MB21D2: variants seen among roughly 807,000 people sequenced by gnomAD.
MB21D2 encodes the protein nucleotidyltransferase MB21D2.
Under a neutral mutation model 33.3 loss-of-function variants are expected in MB21D2, and 9 were observed. That is an observed-to-expected ratio of 0.27 (90% CI 0.16 to 0.47). The LOEUF is 0.47. Ranked by LOEUF, MB21D2 falls within the 20% of genes least tolerant of loss-of-function variation. The probability of loss-of-function intolerance (pLI) is 0.99; values close to 1 mark genes in which losing one functional copy is unlikely to be tolerated. For synonymous variants in MB21D2, 241 were observed against 236.3 expected, an observed-to-expected ratio of 1.02 and a Z score of -0.18; for missense variants, 540 against 624.6, an observed-to-expected ratio of 0.86 and a Z score of 1.44.
intron 1 of MB21D2, among the ~76,000 whole-genome samples, chr3:192,811,042 C>CT: frequency 6.6e-6 from 1 of 152,286 alleles, no homozygotes; most frequent in East Asian, 1.9e-4. Context: ...GCCCCTCTGC[C>CT]TAAGGGCATT....
At chr3:192,916,116 A>ATG (rs1714460524) in intron 1 of MB21D2, among the ~76,000 whole-genome samples, 1 of 148,296 alleles carries the variant, frequency 6.7e-6, no homozygotes, top group South Asian at 2.1e-4. Context: ...ATATATATAT[A>ATG]TATATTTAAT....
chr3:192,831,187 A>G (rs1712306615), intron 1 of MB21D2, among the ~76,000 whole-genome samples: 1 of 152,202 alleles, frequency 6.6e-6, no homozygotes, highest in Non-Finnish European at 1.5e-5. Context: ...GCCAGTCACT[A>G]TGTCGCAGCA....
chr3:192,820,642 C>T (rs1204686240), intron 1 of MB21D2, among the ~76,000 whole-genome samples: 2 of 152,268 alleles, frequency 1.3e-5, no homozygotes, highest in Non-Finnish European at 2.9e-5. Context: ...CCTCCGGCGT[C>T]CCGCCCCGGG....
chr3:192,848,902 A>C (rs908406393), intron 1 of MB21D2, among the ~76,000 whole-genome samples: 2 of 152,182 alleles, frequency 1.3e-5, no homozygotes, highest in Non-Finnish European at 2.9e-5. Flanking sequence ...TGATGGACCG[A>C]AGAGAAGAAA....
At chr3:192,855,176 G>A (rs1007337564) in intron 1 of MB21D2, among the ~76,000 whole-genome samples, 1 of 152,132 alleles carries the variant, frequency 6.6e-6, no homozygotes, top group Admixed American at 6.5e-5. Context: ...TTGACTCACT[G>A]CAAGCTCTGT....
intron 1 of MB21D2, 139 bp downstream of exon 1, chr3:192,917,491 C>A: frequency 2.6e-6 from 2 of 760,080 alleles, no homozygotes; most frequent in Non-Finnish European, 4.3e-6. Context: ...AGAGGCGGAA[C>A]AGAGATGGCT....
Position 192,917,622 on chromosome 3 carries a change from C to T in MB21D2, c.211+8G>A. ...ACGCACACACACCTCCCCCTTTTTC[C>T]TCCTTACCCAGCATGGAAAAGATGA... On this transcript the variant is annotated splice_region_variant and intron_variant, in intron 1 of 1. Coordinates refer to ENST00000392452, the MANE Select transcript of MB21D2 (RefSeq NM_178496.4). 2 of 1,613,806 alleles carry T rather than the reference C, an allele frequency of 1.2e-6. No individual in the cohort carries two copies. Among genetic ancestry groups the T allele is most frequent in the Non-Finnish European group, 1.7e-6 (2 of 1,179,874 alleles).
chr3:192,916,232 C>T (rs181556223), intron 1 of MB21D2, among the ~76,000 whole-genome samples: 3 of 151,982 alleles, frequency 2.0e-5, no homozygotes, highest in Admixed American at 6.5e-5. Context: ...AGGTAAAAAC[C>T]AGCCTAGAGT....
At chr3:192,805,804 T>C (rs1031899815) in intron 1 of MB21D2, among the ~76,000 whole-genome samples, 1 of 152,248 alleles carries the variant, frequency 6.6e-6, no homozygotes, top group Non-Finnish European at 1.5e-5. Context: ...ATGAAGTGTC[T>C]AAGCGCATCG....
At chr3:192,828,593 TA>T (rs538969233) in intron 1 of MB21D2, among the ~76,000 whole-genome samples, 558 of 13,320 alleles carry the variant, frequency 0.042, 47 homozygotes, top group East Asian at 0.25. Flanking sequence ...ACCCCCCCCA[TA>T]TATATATATA....
intron 1 of MB21D2, among the ~76,000 whole-genome samples, chr3:192,891,208 G>T (rs1186527300): frequency 6.6e-6 from 1 of 152,098 alleles, no homozygotes; most frequent in Non-Finnish European, 1.5e-5. Flanking sequence ...ATTTACATAT[G>T]GTCACCTGAA....
At chr3:192,875,901 G>A (rs1429101828) in intron 1 of MB21D2, among the ~76,000 whole-genome samples, 1 of 152,028 alleles carries the variant, frequency 6.6e-6, no homozygotes, top group Non-Finnish European at 1.5e-5. Context: ...TGTTTTTTTA[G>A]AGGTTACTAA....
intron 1 of MB21D2, among the ~76,000 whole-genome samples, chr3:192,859,271 G>A (rs1041358029): frequency 2.0e-4 from 30 of 152,018 alleles, no homozygotes; most frequent in African/African-American, 6.5e-4. Flanking sequence ...AATGCTAGAC[G>A]GCACTAGAAG....
chr3:192,863,730 G>A (rs1019716803), intron 1 of MB21D2, among the ~76,000 whole-genome samples: 14 of 152,216 alleles, frequency 9.2e-5, no homozygotes, highest in Admixed American at 2.6e-4. Context: ...AGGCCAGGTC[G>A]TAAGAGCAGA....
chr3:192,906,358 G>T (rs1714215449), intron 1 of MB21D2, among the ~76,000 whole-genome samples: 1 of 152,190 alleles, frequency 6.6e-6, no homozygotes, highest in Non-Finnish European at 1.5e-5. Flanking sequence ...CTCACTAAAT[G>T]CCAAGGCAGG....
rs201527436 is a variant in MB21D2, at chr3:192,798,526, C to G, written c.1336G>C (p.Asp446His). The G allele has an allele frequency of 6.0e-5, 97 of 1,614,150 alleles. No homozygotes were observed. The East Asian group carries it at 2.1e-3, about 36-fold the overall frequency. Residue 446 changes from aspartate (D) to histidine (H), a missense_variant, in exon 2 of 2, where the codon GAC becomes CAC. Coordinates refer to ENST00000392452, the MANE Select transcript of MB21D2 (RefSeq NM_178496.4). The surrounding 1 kb of genome is among the most constrained non-coding windows in gnomAD (Gnocchi z 4.8). ...SIPSPQSDGG[D>H]PNQPDDRLAK... ...AAACGGTCATCAGGCTGGTTGGGGT[C>G]CCCTCCGTCAGACTGTGGAGAGGGG... is the stretch of plus-strand genomic sequence containing the variant.
chr3:192,813,898 C>G (rs1402213020), intron 1 of MB21D2, among the ~76,000 whole-genome samples: 3 of 152,084 alleles, frequency 2.0e-5, no homozygotes, highest in Non-Finnish European at 4.4e-5. Context: ...GATAAGATTC[C>G]CTTCTTTCCT....
intron 1 of MB21D2, among the ~76,000 whole-genome samples, chr3:192,909,268 T>A (rs28398185): frequency 0.029 from 3,640 of 126,808 alleles, 51 homozygotes; most frequent in Middle Eastern, 0.056. Flanking sequence ...AAAAAAAAAA[T>A]AAAAAATAAA....
chr3:192,808,650 G>T (rs1711716898), intron 1 of MB21D2, among the ~76,000 whole-genome samples: 1 of 152,182 alleles, frequency 6.6e-6, no homozygotes, highest in South Asian at 2.1e-4. Context: ...CTTCCGAGGT[G>T]GCTGCCCATC....
Sources: gnomAD v4.1 joint callset for allele counts (sites outside exome capture counted in the v4.1 genomes callset) on GRCh38, gnomAD v4.1.1 for gene constraint, Gnocchi (gnomAD v3.1) non-coding constraint, MANE v1.5 for transcripts, NCBI Gene and HGNC (gene_info 2026-07-23, HGNC 2026-07-21) for gene names.